Variants in GRM8 observed in about 807,000 individuals in gnomAD.
The protein encoded by GRM8 is metabotropic glutamate receptor 8.
In GRM8, 47 loss-of-function variants were observed where a neutral mutation model predicts 87.2. The observed-to-expected ratio is 0.54, with a 90% CI of 0.43 to 0.69. The LOEUF is 0.69. Ranked by LOEUF, GRM8 falls within the 30% of genes least tolerant of loss-of-function variation. The probability of loss-of-function intolerance (pLI) is 0.00; values close to 1 mark genes in which losing one functional copy is unlikely to be tolerated. For synonymous variants in GRM8, 396 were observed against 404.5 expected (o/e 0.98, Z 0.25); for missense variants, 1,019 against 1,139.2 (o/e 0.89, Z 1.52).
At chr7:126,601,684 G>C (rs1207125439) in intron 8 of GRM8, among the ~76,000 whole-genome samples, 2 of 149,572 alleles carry the variant, frequency 1.3e-5, no homozygotes, top group African/African-American at 2.4e-5. Context: ...GATGGCTAGT[G>C]ATGATGAGCA....
At chr7:126,652,190 GT>G (rs1457962203) in intron 7 of GRM8, among the ~76,000 whole-genome samples, 2 of 152,068 alleles carry the variant, frequency 1.3e-5, no homozygotes, top group Admixed American at 6.5e-5. Flanking sequence ...TCATATTAGC[GT>G]TTAAGTATCG....
At chr7:126,951,358 C>T (rs1047874145) in intron 3 of GRM8, among the ~76,000 whole-genome samples, 10 of 151,994 alleles carry the variant, frequency 6.6e-5, no homozygotes, top group African/African-American at 2.2e-4. Flanking sequence ...CAGATACTGC[C>T]TTGGGTGCAT....
intron 3 of GRM8, among the ~76,000 whole-genome samples, chr7:126,907,518 A>T (rs1802843482): frequency 6.6e-6 from 1 of 152,120 alleles, no homozygotes; most frequent in Non-Finnish European, 1.5e-5. Flanking sequence ...AGCATGGGAA[A>T]GGGCAGGAAA....
intron 6 of GRM8, among the ~76,000 whole-genome samples, chr7:126,871,000 T>C (rs892386358): frequency 2.0e-5 from 3 of 152,206 alleles, no homozygotes; most frequent in African/African-American, 7.2e-5. Flanking sequence ...CTTGGCCTTC[T>C]GTATGTAAAG....
At chr7:126,855,234 T>C (rs1369800822) in intron 6 of GRM8, among the ~76,000 whole-genome samples, 1 of 152,196 alleles carries the variant, frequency 6.6e-6, no homozygotes, top group Non-Finnish European at 1.5e-5. Context: ...TTGACTTACA[T>C]GGTCCATGAA....
chr7:126,535,391 G>A (rs547724735), intron 8 of GRM8, among the ~76,000 whole-genome samples: 3 of 152,158 alleles, frequency 2.0e-5, no homozygotes, highest in African/African-American at 7.2e-5. Context: ...GACCAAGCCT[G>A]CCAGAATTCT....
chr7:126,707,443 T>C (rs1332464924), intron 7 of GRM8, among the ~76,000 whole-genome samples: 1 of 152,100 alleles, frequency 6.6e-6, no homozygotes, highest in Non-Finnish European at 1.5e-5. Context: ...TTAAGGTATG[T>C]ATGTGGGGAA....
At chr7:126,983,242 G>T (rs1158860284) in intron 3 of GRM8, among the ~76,000 whole-genome samples, 3 of 151,976 alleles carry the variant, frequency 2.0e-5, no homozygotes, top group Admixed American at 6.6e-5. Context: ...TTTGCTAGTG[G>T]GTCACTAGGA....
intron 3 of GRM8, among the ~76,000 whole-genome samples, chr7:127,026,670 T>A (rs377456021): frequency 2.0e-5 from 3 of 152,346 alleles, no homozygotes; most frequent in East Asian, 3.9e-4. Flanking sequence ...TCTGTTCATA[T>A]CCTTTGCCCA....
chr7:126,448,766 T>C (rs1315867585), intron 9 of GRM8, among the ~76,000 whole-genome samples: 1 of 151,924 alleles, frequency 6.6e-6, no homozygotes, highest in African/African-American at 2.4e-5. Context: ...AACAAAATCC[T>C]TAGCAAACTA....
chr7:127,182,511 AG>A (rs1794505912), intron 2 of GRM8, among the ~76,000 whole-genome samples: 1 of 152,026 alleles, frequency 6.6e-6, no homozygotes, highest in Non-Finnish European at 1.5e-5. Context: ...GCCAGAAGAA[AG>A]GAAGCCATTA....
At chr7:127,073,001 T>C (rs1478616466) in intron 3 of GRM8, among the ~76,000 whole-genome samples, 1 of 143,590 alleles carries the variant, frequency 7.0e-6, no homozygotes, top group East Asian at 2.0e-4. Context: ...CTTCAAAAAG[T>C]AGTATTCTAC....
chr7:127,150,445 T>C (rs1182383466), intron 2 of GRM8, among the ~76,000 whole-genome samples: 1 of 152,064 alleles, frequency 6.6e-6, no homozygotes, highest in Non-Finnish European at 1.5e-5. Flanking sequence ...GACAAAGGCA[T>C]CAGGCTGTCC....
At chr7:127,219,353 T>C (rs986229333) in intron 2 of GRM8, 3 of 152,204 alleles carry the variant, frequency 2.0e-5, no homozygotes, top group South Asian at 2.1e-4. Context: ...AATTATTCCA[T>C]AGGTCATATT....
At chr7:126,743,402 TCCA>T (rs1420911589) in intron 7 of GRM8, among the ~76,000 whole-genome samples, 1 of 152,130 alleles carries the variant, frequency 6.6e-6, no homozygotes, top group African/African-American at 2.4e-5. Flanking sequence ...ATTAAAATGA[TCCA>T]CTTTTCATAT....
chr7:126,767,394 T>G (rs1281723113), intron 7 of GRM8, among the ~76,000 whole-genome samples: 1 of 152,126 alleles, frequency 6.6e-6, no homozygotes, highest in Non-Finnish European at 1.5e-5. Flanking sequence ...GCTGTAAAAT[T>G]TTGTAAAATA....
At chr7:126,656,533 G>A (rs2151265813) in intron 7 of GRM8, among the ~76,000 whole-genome samples, 1 of 92,908 alleles carries the variant, frequency 1.1e-5, no homozygotes, top group Admixed American at 1.2e-4. Flanking sequence ...CAGGTTTGGT[G>A]GCACGTGCCT....
At chr7:127,149,136 C>T (rs1212492360) in intron 2 of GRM8, among the ~76,000 whole-genome samples, 1 of 151,890 alleles carries the variant, frequency 6.6e-6, no homozygotes, top group East Asian at 1.9e-4. Flanking sequence ...AATGAAATGA[C>T]AGCCTATAGA....
intron 2 of GRM8, among the ~76,000 whole-genome samples, chr7:127,186,613 T>C (rs1794751370): frequency 6.6e-6 from 1 of 152,196 alleles, no homozygotes; most frequent in Non-Finnish European, 1.5e-5. Flanking sequence ...CTTGCCCACA[T>C]CTTTGAAACT....
Sources: gnomAD v4.1 joint callset for allele counts (sites outside exome capture counted in the v4.1 genomes callset) on GRCh38, gnomAD v4.1.1 for gene constraint, MANE v1.5 for transcripts, NCBI Gene and HGNC (gene_info 2026-07-23, HGNC 2026-07-21) for gene names.